Variants in L3MBTL4 observed in about 807,000 individuals in gnomAD.
L3MBTL4 encodes the protein lethal(3)malignant brain tumor-like protein 4.
A neutral mutation model predicts 84.5 loss-of-function variants in L3MBTL4; 70 were observed. The observed-to-expected ratio is 0.83, with a 90% CI of 0.68 to 1.01. L3MBTL4 has a LOEUF of 1.01. L3MBTL4 is among the 50% of genes least tolerant of loss of function. L3MBTL4 has a pLI of 0.00. For synonymous variants in L3MBTL4, 274 were observed against 259.8 expected (o/e 1.05, Z -0.52); for missense variants, 715 against 754.8 (o/e 0.95, Z 0.62).
At chr18:6,373,212 T>C (rs994457180) in intron 1 of L3MBTL4, among the ~76,000 whole-genome samples, 2 of 152,344 alleles carry the variant, frequency 1.3e-5, no homozygotes, top group African/African-American at 4.8e-5. Flanking sequence ...CATCCTTGTC[T>C]CTGCAACCTC....
chr18:6,078,988 G>A (rs2057973160), intron 16 of L3MBTL4, among the ~76,000 whole-genome samples: 3 of 152,138 alleles, frequency 2.0e-5, no homozygotes, highest in Non-Finnish European at 4.4e-5. Flanking sequence ...GCTCCTATGA[G>A]GATCTAATGC....
chr18:6,108,741 T>G (rs1166953990), intron 14 of L3MBTL4, among the ~76,000 whole-genome samples: 2 of 152,166 alleles, frequency 1.3e-5, no homozygotes, highest in Admixed American at 1.3e-4. Context: ...CATGTGGCTC[T>G]CCACATCCTC....
chr18:6,004,694 A>C (rs1940620), intron 16 of L3MBTL4, among the ~76,000 whole-genome samples: 5,412 of 152,294 alleles, frequency 0.036, 338 homozygotes, highest in Admixed American at 0.16. Context: ...ATGAAATTCC[A>C]ATATGTACTT....
At chr18:6,188,964 G>C (rs573924740) in intron 12 of L3MBTL4, among the ~76,000 whole-genome samples, 2 of 152,190 alleles carry the variant, frequency 1.3e-5, no homozygotes, top group Non-Finnish European at 2.9e-5. Flanking sequence ...TTGCTTCCTA[G>C]GTCCACCATA....
intron 16 of L3MBTL4, among the ~76,000 whole-genome samples, chr18:5,974,928 C>A (rs2052829702): frequency 6.7e-6 from 1 of 149,932 alleles, no homozygotes; most frequent in Admixed American, 6.7e-5. Flanking sequence ...CGCACCACTG[C>A]ATCCCAGTTT....
intron 14 of L3MBTL4, among the ~76,000 whole-genome samples, chr18:6,124,705 C>A (rs2059633418): frequency 6.6e-6 from 1 of 151,912 alleles, no homozygotes; most frequent in Non-Finnish European, 1.5e-5. Flanking sequence ...ATCAAAACAA[C>A]TCTTGAAGTG....
chr18:6,045,824 C>G (rs2056594627), intron 16 of L3MBTL4, among the ~76,000 whole-genome samples: 1 of 152,166 alleles, frequency 6.6e-6, no homozygotes, highest in Non-Finnish European at 1.5e-5. Context: ...AGCAACCACA[C>G]AATAGGAACT....
chr18:6,039,055 A>AG (rs1419496566), intron 16 of L3MBTL4, among the ~76,000 whole-genome samples: 1 of 149,036 alleles, frequency 6.7e-6, no homozygotes, highest in Non-Finnish European at 1.5e-5. Context: ...TCTCTCCCCC[A>AG]GCCCCATGCA....
chr18:6,032,283 T>TA lies in L3MBTL4; in HGVS notation c.1444+48597dup, dbSNP rs56241623. 4,075 of 913,290 alleles carry TA rather than the reference T, an allele frequency of 4.5e-3. 11 individuals are homozygous for TA. The highest frequency in any genetic ancestry group is 0.02 in the African/African-American group (1,026 of 51,264). The allele number at this position is 913,290 out of a possible 1,614,324, so 56.6% of individuals were successfully genotyped here. A position where few individuals can be genotyped will look rare whatever the true frequency, so the allele number is the denominator to read the frequency against. ...TGAGCCACCGCACTCGGCCTTAAAT[T>TA]AAAAAAAAAAAAAAAAGAACTAACA... On this transcript the variant is annotated intron_variant, in intron 16 of 18. Transcript: ENST00000317931.
In L3MBTL4 at chr18:6,004,997, A is replaced by ATTTTTTTTTTTTT. The variant is rs60294342; in HGVS notation, c.1445-35448_1445-35436dup. Among the ~76,000 whole-genome samples the ATTTTTTTTTTTTT allele has an allele frequency of 1.4e-3, 74 of 52,146 alleles. 6 individuals are homozygous for ATTTTTTTTTTTTT. The highest frequency in any genetic ancestry group is 0.019 in the Middle Eastern group (1 of 54). The allele number at this position is 52,146 out of a possible 152,430, so 34.2% of individuals were successfully genotyped here. Reference sequence around the variant, plus strand: ...ACACATAAAAATGGTTAAGATGATAATTTTTTTTTTTTTTTTTTTTTTTTT... The same window carrying ATTTTTTTTTTTTT: ...ACACATAAAAATGGTTAAGATGATAATTTTTTTTTTTTTTTTTTTTTTTTTTTTTTTTTTTTTT... On this transcript the variant is annotated intron_variant, in intron 16 of 18. Transcript: ENST00000317931.
chr18:6,117,638 C>A (rs1818871), intron 14 of L3MBTL4, among the ~76,000 whole-genome samples: 45,450 of 152,124 alleles, frequency 0.3, 7,451 homozygotes, highest in East Asian at 0.57. Context: ...TCCTTCTGAA[C>A]CTGTTTCCTC....
chr18:5,965,727 T>C (rs554240240), intron 17 of L3MBTL4, among the ~76,000 whole-genome samples: 13 of 152,280 alleles, frequency 8.5e-5, no homozygotes, highest in African/African-American at 2.6e-4. Flanking sequence ...TGAGGACCTA[T>C]GTTGGTACTG....
intron 5 of L3MBTL4, among the ~76,000 whole-genome samples, chr18:6,250,418 G>A (rs537988414): frequency 1.3e-5 from 2 of 152,272 alleles, no homozygotes; most frequent in African/African-American, 4.8e-5. Flanking sequence ...TCGAATAGAT[G>A]ATGCTTTGTC....
chr18:6,113,432 G>T (rs1182755816), intron 14 of L3MBTL4, among the ~76,000 whole-genome samples: 2 of 134,896 alleles, frequency 1.5e-5, no homozygotes, highest in Middle Eastern at 4.4e-3. Flanking sequence ...TCTGTAAACT[G>T]TGACAGTGTA....
At chr18:6,098,860 G>C (rs1033101664) in intron 14 of L3MBTL4, among the ~76,000 whole-genome samples, 10 of 152,186 alleles carry the variant, frequency 6.6e-5, no homozygotes, top group Admixed American at 5.2e-4. Context: ...GTCTGGGTGG[G>C]CCGGGGGCAT....
At chr18:6,051,829 GCGTT>G (rs58895749) in intron 16 of L3MBTL4, among the ~76,000 whole-genome samples, 3,677 of 152,274 alleles carry the variant, frequency 0.024, 133 homozygotes, top group African/African-American at 0.084. Flanking sequence ...TTTCAGCATG[GCGTT>G]CACTACACTA....
intron 16 of L3MBTL4, among the ~76,000 whole-genome samples, chr18:6,023,970 G>A (rs972128753): frequency 4.6e-5 from 7 of 152,142 alleles, no homozygotes; most frequent in Middle Eastern, 3.2e-3. Flanking sequence ...AAACCTACCT[G>A]TGTGACTTAT....
intron 1 of L3MBTL4, among the ~76,000 whole-genome samples, chr18:6,327,266 T>C (rs765523731): frequency 6.6e-6 from 1 of 152,196 alleles, no homozygotes; most frequent in Non-Finnish European, 1.5e-5. Context: ...AGAACCTGGC[T>C]GTTTCTAGAT....
chr18:6,253,532 G>A (rs1212609422), intron 5 of L3MBTL4, among the ~76,000 whole-genome samples: 1 of 152,184 alleles, frequency 6.6e-6, no homozygotes, highest in Non-Finnish European at 1.5e-5. Flanking sequence ...AGAGGACAAG[G>A]GAGGCAGAGG....
Sources: allele counts gnomAD v4.1 joint callset (sites outside exome capture counted in the v4.1 genomes callset), GRCh38; gene constraint gnomAD v4.1.1; transcripts MANE v1.5; gene names NCBI Gene and HGNC (gene_info 2026-07-23, HGNC 2026-07-21).